Variants in CAPS2 observed in about 807,000 individuals in gnomAD.
The protein encoded by CAPS2 is calcyphosine 2, also known as calcyphosin-2.
In CAPS2, 98 loss-of-function variants were observed where a neutral mutation model predicts 86.5. The ratio of observed to expected loss-of-function variants is 1.13; its 90% confidence interval spans 0.96 to 1.34. CAPS2 has a LOEUF of 1.34. Ranked by LOEUF, CAPS2 falls within the 40% of genes most tolerant of loss-of-function variation. The probability of loss-of-function intolerance (pLI) is 0.00; values close to 1 mark genes in which losing one functional copy is unlikely to be tolerated. For synonymous variants in CAPS2, 210 were observed against 225.1 expected, an observed-to-expected ratio of 0.93 and a Z score of 0.60; for missense variants, 729 against 686.8, an observed-to-expected ratio of 1.06 and a Z score of -0.69.
At chr12:75,338,716 A>T (rs570432401) in intron 1 of CAPS2, among the ~76,000 whole-genome samples, 1 of 152,160 alleles carries the variant, frequency 6.6e-6, no homozygotes, top group East Asian at 1.9e-4. Context: ...TAAGCCCAGC[A>T]TCTATTAGCT....
intron 1 of CAPS2, among the ~76,000 whole-genome samples, chr12:75,339,750 G>C (rs888076437): frequency 6.6e-6 from 1 of 152,008 alleles, no homozygotes; most frequent in African/African-American, 2.4e-5. Context: ...AATCCATCTT[G>C]AGCTAATTTT....
chr12:75,348,437 G>A (rs938953952), intron 1 of CAPS2, among the ~76,000 whole-genome samples: 6 of 152,150 alleles, frequency 3.9e-5, no homozygotes, highest in African/African-American at 1.4e-4. Flanking sequence ...CTTTCACTTG[G>A]AAGCAAAAAC....
intron 5 of CAPS2, among the ~76,000 whole-genome samples, chr12:75,321,175 C>G (rs1327688174): frequency 6.6e-6 from 1 of 152,020 alleles, no homozygotes; most frequent in Non-Finnish European, 1.5e-5. Context: ...ATGGCTATAA[C>G]TTTTTTGTCA....
At chr12:75,304,695 C>A in intron 8 of CAPS2, 62 bp downstream of exon 8, 1 of 1,242,680 alleles carries the variant, frequency 8.0e-7, no homozygotes, top group South Asian at 1.6e-5. Context: ...CACAGAAGTA[C>A]ATTTTAAAAA....
chr12:75,341,771 T>G (rs1322545307), intron 1 of CAPS2, among the ~76,000 whole-genome samples: 1 of 144,420 alleles, frequency 6.9e-6, no homozygotes, highest in Non-Finnish European at 1.5e-5. Context: ...TTTTTTTTTT[T>G]GAGATGGAGT....
At chr12:75,289,202 C>T (rs2035419951) in intron 14 of CAPS2, among the ~76,000 whole-genome samples, 2 of 152,178 alleles carry the variant, frequency 1.3e-5, no homozygotes, top group African/African-American at 4.8e-5. Context: ...AATTCCTCCT[C>T]AACCTTCAAA....
chr12:75,372,909 A>C (rs1309855076), intron 1 of CAPS2, among the ~76,000 whole-genome samples: 1 of 152,216 alleles, frequency 6.6e-6, no homozygotes, highest in Non-Finnish European at 1.5e-5. Flanking sequence ...ACATTCTGCA[A>C]GTCCACAGAT....
At chr12:75,281,391 G>T (rs1165294798) in intron 16 of CAPS2, among the ~76,000 whole-genome samples, 1 of 151,814 alleles carries the variant, frequency 6.6e-6, no homozygotes, top group Non-Finnish European at 1.5e-5. Context: ...CTAGGTAAAT[G>T]ATAGTATATT....
At chr12:75,367,149 A>C in intron 1 of CAPS2, 1 of 632,020 alleles carries the variant, frequency 1.6e-6, no homozygotes, top group South Asian at 1.8e-5. Flanking sequence ...AGTGGAAACC[A>C]AATAGGGTAC....
intron 14 of CAPS2, among the ~76,000 whole-genome samples, chr12:75,287,379 C>T (rs1192778589): frequency 1.3e-5 from 2 of 151,990 alleles, no homozygotes; most frequent in African/African-American, 4.8e-5. Flanking sequence ...CCATAAGACC[C>T]CCATTTCAGA....
At chr12:75,280,590 T>TAA (rs1239335192) in intron 16 of CAPS2, among the ~76,000 whole-genome samples, 1 of 151,872 alleles carries the variant, frequency 6.6e-6, no homozygotes, top group Non-Finnish European at 1.5e-5. Context: ...TGTTAAACTA[T>TAA]TTCGTTCTTA....
intron 1 of CAPS2, among the ~76,000 whole-genome samples, chr12:75,345,842 A>G (rs2042406391): frequency 6.6e-6 from 1 of 152,238 alleles, no homozygotes; most frequent in African/African-American, 2.4e-5. Context: ...AAACAAAAAA[A>G]GCTGGTTCTC....
chr12:75,288,289 A>C (rs771926160), intron 14 of CAPS2, among the ~76,000 whole-genome samples: 3 of 152,206 alleles, frequency 2.0e-5, no homozygotes, highest in Non-Finnish European at 2.9e-5. Flanking sequence ...GGTATGTCAG[A>C]ACAATGTTAG....
intron 6 of CAPS2, among the ~76,000 whole-genome samples, chr12:75,315,624 T>G (rs2039680413): frequency 6.6e-6 from 1 of 152,180 alleles, no homozygotes; most frequent in African/African-American, 2.4e-5. Flanking sequence ...AAATCCATAT[T>G]GCTTTGTTAC....
chr12:75,302,142 T>G (rs1313291435), intron 8 of CAPS2, among the ~76,000 whole-genome samples: 1 of 152,100 alleles, frequency 6.6e-6, no homozygotes, highest in Admixed American at 6.5e-5. Flanking sequence ...GCCTCTAAAT[T>G]TATGTAGCAG....
intron 7 of CAPS2, among the ~76,000 whole-genome samples, chr12:75,307,219 A>G (rs193251011): frequency 2.6e-5 from 4 of 152,376 alleles, no homozygotes; most frequent in Middle Eastern, 3.4e-3. Context: ...CCACACAGAA[A>G]GGCTGTGAAG....
intron 1 of CAPS2, chr12:75,390,323 G>GTGAA (rs2045518648): frequency 2.2e-6 from 1 of 456,306 alleles, no homozygotes; most frequent in Admixed American, 2.3e-5. Flanking sequence ...CGTTCTTACT[G>GTGAA]TGAATGCCAC....
At chr12:75,311,699 G>GAAAAAAAAAAAAA (rs764314438) in intron 7 of CAPS2, among the ~76,000 whole-genome samples, 7 of 16,992 alleles carry the variant, frequency 4.1e-4, no homozygotes, top group African/African-American at 5.0e-4. Flanking sequence ...AAGCCATGCA[G>GAAAAAAAAAAAAA]GAAAAAAAAA....
In CAPS2 at chr12:75,300,048, T is replaced by C. The variant is rs149246456; in HGVS notation, c.780-137A>G. 1,044 of 433,562 alleles carry C rather than the reference T, an allele frequency of 2.4e-3. 13 individuals carry two copies. Among genetic ancestry groups the C allele is most frequent in the African/African-American group, 0.02 (961 of 48,826 alleles). 26.9% of individuals were successfully genotyped at this position (433,562 alleles called of 1,614,324 possible). A position where few individuals can be genotyped will look rare whatever the true frequency, so the allele number is the denominator to read the frequency against. On this transcript the variant is annotated intron_variant, in intron 8 of 16. Coordinates refer to ENST00000393284, the Ensembl canonical transcript of CAPS2. The stretch of plus-strand genomic sequence containing the variant: ...AACAATAAAGGTAAAAAAAAACTCT[T>C]TTTTTCAGATTGCTAATTGTAGCAG...
Sources: gnomAD v4.1 joint callset for allele counts (sites outside exome capture counted in the v4.1 genomes callset) on GRCh38, gnomAD v4.1.1 for gene constraint, MANE v1.5 for transcripts, NCBI Gene and HGNC (gene_info 2026-07-23, HGNC 2026-07-21) for gene names.